Variants in SRSF11 observed in about 807,000 individuals in gnomAD.
SRSF11 encodes the protein serine/arginine-rich splicing factor 11.
Under a neutral mutation model 56.0 loss-of-function variants are expected in SRSF11, and 9 were observed. That is an observed-to-expected ratio of 0.16 (90% confidence interval 0.10 to 0.28). The LOEUF (loss-of-function observed/expected upper bound fraction) is 0.28. Among genes scored for constraint, SRSF11 ranks in the 10% least tolerant of loss-of-function variants. The pLI, the probability that SRSF11 is intolerant of heterozygous loss-of-function variation, is 1.00. For missense variants in SRSF11, 421 were observed against 600.7 expected, an observed-to-expected ratio of 0.70 and a Z score of 3.13; for synonymous variants, 222 against 215.3, an observed-to-expected ratio of 1.03 and a Z score of -0.27.
chr1:70,239,621 G>T, intron 7 of SRSF11, 101 bp downstream of exon 7: 2 of 848,754 alleles, frequency 2.4e-6, no homozygotes, highest in East Asian at 2.7e-5. Context: ...TGGTTAAAGT[G>T]TTTTAGTAAC....
At chr1:70,249,351 T>A (rs927755068) in intron 9 of SRSF11, 2 of 152,328 alleles carry the variant, frequency 1.3e-5, no homozygotes, top group African/African-American at 2.4e-5. Context: ...AGTAATAGTT[T>A]ACTTCACACG....
intron 1 of SRSF11, among the ~76,000 whole-genome samples, chr1:70,226,878 G>A (rs954077833): frequency 6.6e-6 from 1 of 152,126 alleles, no homozygotes; most frequent in Non-Finnish European, 1.5e-5. Context: ...TACTACTGCG[G>A]GTGCAACATT....
intron 2 of SRSF11, chr1:70,231,075 T>C (rs1372366177): frequency 7.8e-7 from 1 of 1,289,662 alleles, no homozygotes; most frequent in Non-Finnish European, 1.0e-6. Context: ...GTTTTTCTTT[T>C]TTGTTGTTGT....
intron 1 of SRSF11, among the ~76,000 whole-genome samples, chr1:70,209,193 C>T (rs972362181): frequency 3.3e-5 from 5 of 152,150 alleles, no homozygotes; most frequent in Non-Finnish European, 5.9e-5. Context: ...TATAGAGCAG[C>T]TTGTCTCTAC....
chr1:70,237,280 G>C, intron 5 of SRSF11, 145 bp from the exon 6 acceptor site: 1 of 949,032 alleles, frequency 1.1e-6, no homozygotes, highest in Non-Finnish European at 1.6e-6. Context: ...GCTATATGTT[G>C]TTTACCAAAG....
At chr1:70,249,119 C>T (rs1328824158) in intron 9 of SRSF11, 1 of 151,932 alleles carries the variant, frequency 6.6e-6, no homozygotes, top group African/African-American at 2.4e-5. Flanking sequence ...TGTATATCTT[C>T]AAAGTAATTG....
chr1:70,246,659 G>T (rs1037548478), intron 8 of SRSF11, 159 bp from the exon 9 acceptor site: 5 of 464,426 alleles, frequency 1.1e-5, no homozygotes, highest in African/African-American at 2.0e-5. Context: ...CTTCAAATAT[G>T]CCACATAAAG....
At chr1:70,226,447 A>C (rs1416064076) in intron 1 of SRSF11, among the ~76,000 whole-genome samples, 1 of 152,182 alleles carries the variant, frequency 6.6e-6, no homozygotes, top group Non-Finnish European at 1.5e-5. Flanking sequence ...AGTCACTTTA[A>C]GGTTGCCAAG....
At chr1:70,243,534 A>G (rs1676035840) in intron 7 of SRSF11, among the ~76,000 whole-genome samples, 1 of 152,066 alleles carries the variant, frequency 6.6e-6, no homozygotes, top group Non-Finnish European at 1.5e-5. Flanking sequence ...TGAAGTAACA[A>G]GGTCAGAGAG....
chr1:70,239,393 C>G, intron 6 of SRSF11, 46 bp from the exon 7 acceptor site: 1 of 1,402,764 alleles, frequency 7.1e-7, no homozygotes, highest in Non-Finnish European at 9.9e-7. Context: ...CGTCTGGCCC[C>G]TATTTAATAA....
Position 70,221,584 on chromosome 1 carries a change from T to A in SRSF11, c.-53T>A, listed in dbSNP as rs1267434656. On this transcript the variant is annotated 5_prime_UTR_variant, in exon 1 of 12. Transcript: ENST00000370949. Reference sequence around the variant, plus strand: ...GGTTCCTCTTCCCCCTCCTTCTCACTGTTTGTTGTGTGTTTGATGTGTTAA... The same window carrying A: ...GGTTCCTCTTCCCCCTCCTTCTCACAGTTTGTTGTGTGTTTGATGTGTTAA... 1 of 1,556,972 alleles carries A rather than the reference T, an allele frequency of 6.4e-7. No homozygotes were observed. The highest frequency in any genetic ancestry group is 8.7e-7 in the Non-Finnish European group (1 of 1,150,836).
At chr1:70,247,407 C>A (rs1677003403) in intron 9 of SRSF11, among the ~76,000 whole-genome samples, 1 of 152,056 alleles carries the variant, frequency 6.6e-6, no homozygotes, top group South Asian at 2.1e-4. Flanking sequence ...AGCACATTTT[C>A]ATACTTAATT....
chr1:70,234,263 C>T (rs1006647506), intron 3 of SRSF11, among the ~76,000 whole-genome samples: 3 of 152,160 alleles, frequency 2.0e-5, no homozygotes, highest in African/African-American at 7.2e-5. Flanking sequence ...AGGAGAAATG[C>T]TTTGTAAAGG....
intron 1 of SRSF11, among the ~76,000 whole-genome samples, chr1:70,207,461 C>T (rs1669150461): frequency 6.6e-6 from 1 of 152,030 alleles, no homozygotes; most frequent in Non-Finnish European, 1.5e-5. Flanking sequence ...GATCTGTCTC[C>T]AAAACCTTTC....
chr1:70,217,560 T>A (rs1670126954), upstream of SRSF11, among the ~76,000 whole-genome samples: 1 of 152,158 alleles, frequency 6.6e-6, no homozygotes, highest in Non-Finnish European at 1.5e-5. Context: ...GCTGGGAAAA[T>A]CCTTGGAACA....
intron 1 of SRSF11, among the ~76,000 whole-genome samples, chr1:70,209,740 CTTTTTTTTTTTTTTTTTTTT>C (rs923729248): frequency 0.02 from 562 of 27,456 alleles, 5 homozygotes; most frequent in Middle Eastern, 0.05. Context: ...CACCTCGCTT[CTTTTTTTTTTTTTTTTTTTT>C]TTTTTTTTTT....
intron 10 of SRSF11, 106 bp from the exon 11 acceptor site, chr1:70,250,259 T>A (rs1469510650): frequency 3.9e-6 from 6 of 1,521,724 alleles, no homozygotes; most frequent in Non-Finnish European, 5.3e-6. Flanking sequence ...TTCTCCAAGG[T>A]TTTGAAGTTG....
chr1:70,226,066 G>A (rs1004374912), intron 1 of SRSF11, among the ~76,000 whole-genome samples: 5 of 151,858 alleles, frequency 3.3e-5, no homozygotes, highest in African/African-American at 7.3e-5. Flanking sequence ...TGGCGTGTGC[G>A]TGTAATCCCA....
At chr1:70,247,104 T>G in intron 9 of SRSF11, 197 bp downstream of exon 9, 1 of 1,153,238 alleles carries the variant, frequency 8.7e-7, no homozygotes. Flanking sequence ...TTACTTAATA[T>G]TTTATGGTCT....
Sources: allele counts gnomAD v4.1 joint callset (sites outside exome capture counted in the v4.1 genomes callset), GRCh38; gene constraint gnomAD v4.1.1; transcripts MANE v1.5; gene names NCBI Gene and HGNC (gene_info 2026-07-23, HGNC 2026-07-21).